OSBPL1A: variants seen among roughly 807,000 people sequenced by gnomAD.
OSBPL1A encodes the protein oxysterol-binding protein-related protein 1.
A neutral mutation model predicts 137.1 loss-of-function variants in OSBPL1A; 80 were observed. The ratio of observed to expected loss-of-function variants is 0.58; its 90% CI spans 0.49 to 0.70. OSBPL1A has a LOEUF of 0.70. Among genes scored for constraint, OSBPL1A ranks in the 30% least tolerant of loss-of-function variants. The pLI is 0.00. For missense variants in OSBPL1A, 970 were observed against 1,129.4 expected, an observed-to-expected ratio of 0.86 and a Z score of 2.02; for synonymous variants, 365 against 389.7, an observed-to-expected ratio of 0.94 and a Z score of 0.75.
intron 21 of OSBPL1A, among the ~76,000 whole-genome samples, chr18:24,176,602 C>A (rs1019789238): frequency 6.6e-6 from 1 of 152,126 alleles, no homozygotes. Context: ...GTCCTCTTAA[C>A]CTCTTCTGGA....
At chr18:24,311,943 C>T (rs1052321135) in intron 13 of OSBPL1A, 41 bp downstream of exon 13, 1 of 1,610,362 alleles carries the variant, frequency 6.2e-7, no homozygotes, top group Non-Finnish European at 8.5e-7. Flanking sequence ...AACCTCATGA[C>T]ATAGATAGCT....
rs139149390 is a variant in OSBPL1A at position 24,177,327 on chromosome 18, G to A, written c.2093+686C>T. ...AATTACTCTCAGAACTTTTTCGGTC[G>A]GCCTCTAATCCCCAGTTCTGCAATT... is the stretch of plus-strand genomic sequence containing the variant. On this transcript the variant is annotated intron_variant, in intron 21 of 27. Transcript: ENST00000319481. Among the ~76,000 whole-genome samples the A allele has an allele frequency of 2.0e-3, 311 of 152,232 alleles. 1 individual carries two copies. The highest frequency in any genetic ancestry group is 7.2e-3 in the African/African-American group (300 of 41,532).
At chr18:24,193,362 C>G (rs143542064) in intron 18 of OSBPL1A, among the ~76,000 whole-genome samples, 2 of 151,896 alleles carry the variant, frequency 1.3e-5, no homozygotes, top group African/African-American at 2.4e-5. Context: ...GTGGCATGCA[C>G]CTGTAGTCCC....
chr18:24,192,200 C>G (rs906639722), intron 18 of OSBPL1A, among the ~76,000 whole-genome samples: 1 of 152,086 alleles, frequency 6.6e-6, no homozygotes, highest in African/African-American at 2.4e-5. Context: ...GGGCTGGTTG[C>G]CTAAGTCACT....
chr18:24,388,813 A>C (rs1427867262), intron 1 of OSBPL1A, among the ~76,000 whole-genome samples: 8 of 151,754 alleles, frequency 5.3e-5, no homozygotes, highest in Non-Finnish European at 1.2e-4. Context: ...AAAAAAAAAA[A>C]AAAAAAAACC....
At chr18:24,354,847 A>C (rs929597027) in intron 4 of OSBPL1A, among the ~76,000 whole-genome samples, 4 of 151,318 alleles carry the variant, frequency 2.6e-5, no homozygotes, top group African/African-American at 9.7e-5. Context: ...CAGAATGCTG[A>C]GTTCTATTAA....
chr18:24,396,300 A>C (rs761344944), intron 1 of OSBPL1A, among the ~76,000 whole-genome samples: 2 of 152,106 alleles, frequency 1.3e-5, no homozygotes, highest in Non-Finnish European at 2.9e-5. Context: ...ATACATGCAA[A>C]AATGAGCAGC....
At chr18:24,222,990 C>T (rs561342496) in intron 17 of OSBPL1A, among the ~76,000 whole-genome samples, 1 of 151,818 alleles carries the variant, frequency 6.6e-6, no homozygotes, top group Non-Finnish European at 1.5e-5. Context: ...CAGAAATCTA[C>T]GACGAGGTCA....
Position 24,302,236 on chromosome 18 carries a change from G to GAAA in OSBPL1A, c.1174+1398_1174+1400dup, listed in dbSNP as rs368812387. Among the ~76,000 whole-genome samples, 92 of 106,406 alleles carry GAAA rather than the reference G, an allele frequency of 8.6e-4. 3 individuals are homozygous for GAAA. The highest frequency in any genetic ancestry group is 4.9e-3 in the Middle Eastern group (1 of 204). The allele number at this position is 106,406 out of a possible 152,430, so 69.8% of individuals were successfully genotyped here. ...GAGGCAGAACAAGACTCCATCTCAA[G>GAAA]AAAAAAAAAAAAAAAAAGTTAATCA... On this transcript the variant is annotated intron_variant, in intron 14 of 27. Transcript: ENST00000319481.
At chr18:24,315,852 T>C (rs1411035582) in intron 11 of OSBPL1A, among the ~76,000 whole-genome samples, 9 of 117,746 alleles carry the variant, frequency 7.6e-5, no homozygotes, top group Non-Finnish European at 1.5e-4. Context: ...TATAATAAAA[T>C]ATATAATATA....
chr18:24,213,415 A>G (rs2087602246), intron 17 of OSBPL1A, among the ~76,000 whole-genome samples: 1 of 152,114 alleles, frequency 6.6e-6, no homozygotes, highest in Admixed American at 6.5e-5. Flanking sequence ...TAAAAATATA[A>G]AAAATTAGCC....
At chr18:24,268,234 GCC>G (rs1427561684) in intron 15 of OSBPL1A, among the ~76,000 whole-genome samples, 2 of 152,056 alleles carry the variant, frequency 1.3e-5, no homozygotes, top group African/African-American at 4.8e-5. Context: ...TCCTACCTCA[GCC>G]TCCCAAGTAG....
intron 15 of OSBPL1A, among the ~76,000 whole-genome samples, chr18:24,248,395 T>C (rs1225425087): frequency 2.0e-5 from 3 of 152,224 alleles, no homozygotes; most frequent in African/African-American, 7.2e-5. Context: ...CCATTGGTTA[T>C]AGCTGACTGT....
chr18:24,293,200 G>A lies in OSBPL1A; in HGVS notation c.1174+10437C>T, dbSNP rs533827630. 2.0e-5 allele frequency among the ~76,000 whole-genome samples: 3 copies of A among 151,994 alleles called. No homozygotes were observed. The East Asian group carries it at 5.8e-4, about 29-fold the overall frequency. On this transcript the variant is annotated intron_variant, in intron 14 of 27. Coordinates refer to ENST00000319481, the MANE Select transcript of OSBPL1A (RefSeq NM_080597.4). ...AAGAGATTGCTCACAAAGGTGAGGAGGGTTGAAGTAACAGAGACTGGCGTG... is the reference window on the plus strand; with the variant it reads ...AAGAGATTGCTCACAAAGGTGAGGAAGGTTGAAGTAACAGAGACTGGCGTG...
chr18:24,365,422 T>TA (rs2091690128), intron 4 of OSBPL1A, among the ~76,000 whole-genome samples: 1 of 151,998 alleles, frequency 6.6e-6, no homozygotes, highest in Admixed American at 6.6e-5. Context: ...CCATCTCTAC[T>TA]AAAAATCCAA....
chr18:24,340,424 G>A (rs2091255248), intron 5 of OSBPL1A, among the ~76,000 whole-genome samples: 1 of 152,138 alleles, frequency 6.6e-6, no homozygotes, highest in Admixed American at 6.6e-5. Context: ...TGTAATCCTA[G>A]TACTTTTGGG....
intron 2 of OSBPL1A, among the ~76,000 whole-genome samples, chr18:24,369,097 A>G (rs1905403390): frequency 6.6e-6 from 1 of 152,214 alleles, no homozygotes; most frequent in Non-Finnish European, 1.5e-5. Flanking sequence ...AGTCTCAGGT[A>G]GTTCTTTATA....
Position 24,171,465 on chromosome 18 carries a change from T to C in OSBPL1A, c.2235A>G (p.Pro745=). 6.2e-7 allele frequency: 1 copy of C among 1,613,872 alleles called. No individual in the cohort carries two copies. Among genetic ancestry groups the C allele is most frequent in the Non-Finnish European group, 8.5e-7 (1 of 1,179,828 alleles). The change falls in exon 23 of 28, where the codon CCA becomes CCG. Residue 745 remains proline (P), a synonymous_variant. Transcript: ENST00000319481. ...TGDKCVLNFK[P]CGLFGKELHK... Reference sequence around the variant, plus strand: ...GTAATTCCTTACCAAAAAGGCCACATGGCTTAAAATTCAACACACATTTGT... The same window carrying C: ...GTAATTCCTTACCAAAAAGGCCACACGGCTTAAAATTCAACACACATTTGT...
intron 21 of OSBPL1A, among the ~76,000 whole-genome samples, chr18:24,172,815 T>G (rs972390045): frequency 6.6e-6 from 1 of 152,164 alleles, no homozygotes; most frequent in African/African-American, 2.4e-5. Flanking sequence ...AAAAAGTCTA[T>G]TTAGCACTTT....
Sources: allele counts gnomAD v4.1 joint callset (sites outside exome capture counted in the v4.1 genomes callset), GRCh38; gene constraint gnomAD v4.1.1; transcripts MANE v1.5; gene names NCBI Gene and HGNC (gene_info 2026-07-23, HGNC 2026-07-21).